Variants in ZNF680 observed in about 807,000 individuals in gnomAD.
ZNF680 encodes hypothetical protein FLJ90430.
A neutral mutation model predicts 12.1 loss-of-function variants in ZNF680; 6 were observed. The observed-to-expected ratio is 0.49, with a 90% CI of 0.27 to 0.98. The LOEUF (loss-of-function observed/expected upper bound fraction) is 0.98, where lower values mean the gene tolerates loss of function less well. ZNF680 is among the 50% of genes least tolerant of loss of function. The probability of loss-of-function intolerance (pLI) is 0.12; values close to 1 mark genes in which losing one functional copy is unlikely to be tolerated. For missense variants in ZNF680, 561 were observed against 616.3 expected (o/e 0.91, Z 0.95); for synonymous variants, 170 against 199.3 (o/e 0.85, Z 1.24).
intron 3 of ZNF680, among the ~76,000 whole-genome samples, chr7:64,537,144 T>C (rs1473370120): frequency 6.6e-6 from 1 of 152,050 alleles, no homozygotes; most frequent in African/African-American, 2.4e-5. Context: ...TTAATAAAAC[T>C]AGGAATTAAA....
intron 3 of ZNF680, among the ~76,000 whole-genome samples, chr7:64,523,481 G>T (rs1218559147): frequency 1.3e-5 from 2 of 151,640 alleles, no homozygotes; most frequent in East Asian, 1.9e-4. Context: ...GAAAATCAGA[G>T]ACAAAAAAGA....
chr7:64,551,460 T>G (rs1407588585), intron 1 of ZNF680: 1 of 154,330 alleles, frequency 6.5e-6, no homozygotes, highest in Admixed American at 6.5e-5. Context: ...ACATCTCACA[T>G]GAACCCCAAT....
chr7:64,555,699 C>CA (rs1470364522), intron 1 of ZNF680, among the ~76,000 whole-genome samples: 2 of 143,596 alleles, frequency 1.4e-5, no homozygotes, highest in Non-Finnish European at 3.0e-5. Context: ...AATACGAGAC[C>CA]AAAAAATCCA....
At chr7:64,555,121 G>A (rs1787337697) in intron 1 of ZNF680, among the ~76,000 whole-genome samples, 1 of 151,994 alleles carries the variant, frequency 6.6e-6, no homozygotes, top group African/African-American at 2.4e-5. Flanking sequence ...AGATTATTAG[G>A]GCAGAAAATT....
intron 1 of ZNF680, chr7:64,551,856 A>G (rs1460627328): frequency 6.6e-6 from 1 of 152,276 alleles, no homozygotes; most frequent in Admixed American, 6.5e-5. Flanking sequence ...TGATGAAGTC[A>G]GCCAGAAAAT....
Position 64,521,481 on chromosome 7 carries a change from T to G in ZNF680, c.1273A>C (p.Lys425Gln), listed in dbSNP as rs1252179355. The G allele has an allele frequency of 6.2e-7, 1 of 1,613,428 alleles. No individual in the cohort carries two copies. Among genetic ancestry groups the G allele is most frequent in the East Asian group, 2.2e-5 (1 of 44,866 alleles). ...GTATTCTCTCTAGTGTGAATTCTCT[T>G]ATGTCGAGTAAGGCTGGAGCACCCA... ...FNGCSSLTRH[K>Q]RIHTRENTYK... Residue 425 changes from lysine (K) to glutamine (Q), a missense_variant, in exon 4 of 4, where the codon AAG becomes CAG. Coordinates refer to ENST00000309683, the MANE Select transcript of ZNF680 (RefSeq NM_178558.5).
the ZNF680 span, among the ~76,000 whole-genome samples, chr7:64,504,480 T>C: frequency 2.0e-5 from 3 of 152,250 alleles, no homozygotes; most frequent in Non-Finnish European, 4.4e-5. Context: ...CGTTTAACTG[T>C]TTCTGATTTA....
chr7:64,523,327 T>C (rs184760621), intron 3 of ZNF680, among the ~76,000 whole-genome samples: 20 of 152,094 alleles, frequency 1.3e-4, no homozygotes, highest in Non-Finnish European at 2.1e-4. Context: ...ATAATGTATA[T>C]TGTATCCTTT....
At chr7:64,514,975 G>A (rs1282428339), downstream of ZNF680, among the ~76,000 whole-genome samples, 12 of 151,970 alleles carry the variant, frequency 7.9e-5, no homozygotes, top group South Asian at 8.3e-4. Context: ...CCCAGGAGGC[G>A]GAGGTTGCAG....
Position 64,522,550 on chromosome 7 carries a change from A to C in ZNF680, c.254-50T>G, listed in dbSNP as rs770975299. The C allele has an allele frequency of 9.4e-6, 12 of 1,280,852 alleles. No homozygotes were observed. The African/African-American group carries it at 1.5e-4, about 16-fold the overall frequency. The allele number at this position is 1,280,852 out of a possible 1,614,324, so 79.3% of individuals were successfully genotyped here. The stretch of plus-strand genomic sequence containing the variant: ...TACACCACTTCCTAGACTCAGATGA[A>C]TATATTTTACATATCAAATTTATAA... On this transcript the variant is annotated intron_variant, in intron 3 of 3. Coordinates refer to ENST00000309683, the MANE Select transcript of ZNF680 (RefSeq NM_178558.5).
At chr7:64,535,525 G>A (rs557339586) in intron 3 of ZNF680, among the ~76,000 whole-genome samples, 10 of 152,080 alleles carry the variant, frequency 6.6e-5, no homozygotes, top group Admixed American at 5.2e-4. Flanking sequence ...TTCTCTATAC[G>A]AGACTCATTT....
chr7:64,557,458 G>A (rs1219950824), intron 1 of ZNF680, among the ~76,000 whole-genome samples: 1 of 151,922 alleles, frequency 6.6e-6, no homozygotes, highest in Admixed American at 6.6e-5. Context: ...AGGAGGCTGA[G>A]GCTGGAGAAT....
chr7:64,528,889 C>T (rs549055320), intron 3 of ZNF680, among the ~76,000 whole-genome samples: 1 of 152,302 alleles, frequency 6.6e-6, no homozygotes, highest in South Asian at 2.1e-4. Context: ...AGCATTAAAT[C>T]ACCAGTGCTA....
the ZNF680 span, among the ~76,000 whole-genome samples, chr7:64,499,982 C>T: frequency 1.3e-5 from 2 of 152,188 alleles, no homozygotes; most frequent in African/African-American, 4.8e-5. Context: ...CTCTCCCTCC[C>T]AGATAAGCAC....
chr7:64,533,016 C>A (rs776041429), intron 3 of ZNF680, among the ~76,000 whole-genome samples: 3 of 152,140 alleles, frequency 2.0e-5, no homozygotes, highest in South Asian at 2.1e-4. Flanking sequence ...AAGGGACATA[C>A]CTCCACGTAA....
At position 64,527,170 on chromosome 7, in the gene ZNF680, G is replaced by A. The variant is rs541488887; in HGVS notation, c.254-4670C>T. ...GGAGAATCACTTGAACCCAGGAGGCGGAGGCTGCAGTGAGCCGAGATCACG... is the reference window on the plus strand; with the variant it reads ...GGAGAATCACTTGAACCCAGGAGGCAGAGGCTGCAGTGAGCCGAGATCACG... On this transcript the variant is annotated intron_variant, in intron 3 of 3. Transcript: ENST00000309683. Among the ~76,000 whole-genome samples, 25 of 152,090 alleles carry A rather than the reference G, an allele frequency of 1.6e-4. 1 individual carries two copies. In the South Asian group the frequency reaches 4.8e-3, roughly 29 times the overall value.
chr7:64,545,729 TA>T (rs1315738839), intron 1 of ZNF680, among the ~76,000 whole-genome samples: 3 of 152,252 alleles, frequency 2.0e-5, no homozygotes, highest in Non-Finnish European at 4.4e-5. Context: ...AGGAATCTCC[TA>T]AAATTTTTTT....
At chr7:64,541,967 G>A (rs1584383297) in intron 3 of ZNF680, among the ~76,000 whole-genome samples, 1 of 152,272 alleles carries the variant, frequency 6.6e-6, no homozygotes, top group Admixed American at 6.5e-5. Flanking sequence ...TTGATACTCA[G>A]TGAAAGCCAT....
chr7:64,520,600 T>C lies in ZNF680; in HGVS notation c.*561A>G, dbSNP rs1383293509. ...ATATAAATTCATGTTTTCTACGCCG[T>C]AGTTTTTGAAAAAAAATGTTTTTCC... On this transcript the variant is annotated 3_prime_UTR_variant, in exon 4 of 4. Transcript: ENST00000309683. 2 of 151,896 alleles carry C rather than the reference T, an allele frequency of 1.3e-5. No homozygotes were observed. Among genetic ancestry groups the C allele is most frequent in the East Asian group, 1.9e-4 (1 of 5,202 alleles). The allele number at this position is 151,896 out of a possible 1,614,324, so 9.4% of individuals were successfully genotyped here.
Sources: gnomAD v4.1 joint callset for allele counts (sites outside exome capture counted in the v4.1 genomes callset) on GRCh38, gnomAD v4.1.1 for gene constraint, MANE v1.5 for transcripts, NCBI Gene and HGNC (gene_info 2026-07-23, HGNC 2026-07-21) for gene names.